The following GRM8 variants were observed in gnomAD, a reference collection of about 807,000 sequenced individuals.
The protein encoded by GRM8 is metabotropic glutamate receptor 8.
In GRM8, 47 loss-of-function variants were observed where a neutral mutation model predicts 87.2. That is an observed-to-expected ratio of 0.54 (90% confidence interval 0.43 to 0.69). The LOEUF (loss-of-function observed/expected upper bound fraction) is 0.69. Ranked by LOEUF, GRM8 falls within the 30% of genes least tolerant of loss-of-function variation. GRM8 has a pLI of 0.00. For synonymous variants in GRM8, 396 were observed against 404.5 expected, an observed-to-expected ratio of 0.98 and a Z score of 0.25; for missense variants, 1,019 against 1,139.2, an observed-to-expected ratio of 0.89 and a Z score of 1.52.
At chr7:127,203,173 C>T (rs1795706112) in intron 2 of GRM8, among the ~76,000 whole-genome samples, 1 of 152,158 alleles carries the variant, frequency 6.6e-6, no homozygotes, top group Admixed American at 6.5e-5. Flanking sequence ...TACATGTTTA[C>T]ATTTTCATAT....
chr7:126,788,532 C>T (rs1307710599), intron 6 of GRM8, among the ~76,000 whole-genome samples: 4 of 150,764 alleles, frequency 2.7e-5, no homozygotes, highest in Non-Finnish European at 4.4e-5. Flanking sequence ...TTCTTTTTTT[C>T]AGAGTCACTC....
chr7:127,131,752 A>T (rs1827702005), intron 2 of GRM8, among the ~76,000 whole-genome samples: 3 of 151,982 alleles, frequency 2.0e-5, no homozygotes, highest in Admixed American at 6.6e-5. Context: ...GAACCCATCT[A>T]CCATAATTTT....
At chr7:127,246,127 C>A (rs1403599271) in intron 1 of GRM8, among the ~76,000 whole-genome samples, 1 of 152,104 alleles carries the variant, frequency 6.6e-6, no homozygotes, top group African/African-American at 2.4e-5. Context: ...GACTCCACTG[C>A]CAGAAGGTTT....
rs375336734 is a variant in GRM8, at chr7:127,242,941, C to T, written c.264G>A (p.Lys88=). The change falls in exon 2 of 11, where the codon AAG becomes AAA. Residue 88 remains lysine (K), a synonymous_variant. Transcript: ENST00000339582. ...TGATGTTGGAAAGGAGATCAGGGTCCTTGTTAATCTGGTCAATTGCATAAA... is the reference window on the plus strand; with the variant it reads ...TGATGTTGGAAAGGAGATCAGGGTCTTTGTTAATCTGGTCAATTGCATAAA... ...AMLYAIDQIN[K]DPDLLSNITL... 1.9e-6 allele frequency: 3 copies of T among 1,614,142 alleles called. No individual in the cohort carries two copies. The highest frequency in any genetic ancestry group is 2.5e-6 in the Non-Finnish European group (3 of 1,180,002).
intron 3 of GRM8, among the ~76,000 whole-genome samples, chr7:127,089,474 T>C (rs1430872573): frequency 6.6e-6 from 1 of 152,210 alleles, no homozygotes; most frequent in African/African-American, 2.4e-5. Context: ...GCTGGCAGTA[T>C]GCAAGCCTAC....
intron 3 of GRM8, among the ~76,000 whole-genome samples, chr7:127,016,577 A>G (rs183793940): frequency 9.2e-5 from 14 of 152,204 alleles, no homozygotes; most frequent in African/African-American, 3.4e-4. Context: ...ACAGAGATAA[A>G]TTTCAGTTTG....
chr7:126,890,928 C>A (rs1800940902), intron 6 of GRM8, among the ~76,000 whole-genome samples: 1 of 152,048 alleles, frequency 6.6e-6, no homozygotes, highest in African/African-American at 2.4e-5. Flanking sequence ...CATTAATATA[C>A]TAGTGAGGCC....
chr7:127,210,537 T>C (rs1223005669), intron 2 of GRM8, among the ~76,000 whole-genome samples: 1 of 152,200 alleles, frequency 6.6e-6, no homozygotes, highest in African/African-American at 2.4e-5. Flanking sequence ...TCTAATAATT[T>C]AGGTGTTAGG....
intron 8 of GRM8, among the ~76,000 whole-genome samples, chr7:126,537,366 A>G (rs1815915153): frequency 6.6e-6 from 1 of 152,224 alleles, no homozygotes; most frequent in Non-Finnish European, 1.5e-5. Flanking sequence ...CTGAAAACCA[A>G]CTAGTATCCA....
In GRM8 at chr7:126,533,438, G is replaced by A. The variant is rs1393834957; in HGVS notation, c.1944C>T (p.Cys648=). 8 of 1,613,846 alleles carry A rather than the reference G, an allele frequency of 5.0e-6. No individual in the cohort carries two copies. Among genetic ancestry groups the A allele is most frequent in the Non-Finnish European group, 6.8e-6 (8 of 1,179,916 alleles). ...GTCCTAGGAAGACCCGTCGGAAGGA[G>A]CATATGATTGTATCTGGTGCTGCAA... The part of the protein sequence containing the change: ...LMIAAPDTII[C]SFRRVFLGLG... Residue 648 remains cysteine, a synonymous_variant, in exon 9 of 11, where the codon TGC becomes TGT. Transcript: ENST00000339582.
intron 3 of GRM8, among the ~76,000 whole-genome samples, chr7:127,076,656 C>T (rs577559254): frequency 3.3e-4 from 50 of 152,254 alleles, no homozygotes; most frequent in African/African-American, 1.2e-3. Flanking sequence ...TGGTAGGGAC[C>T]GCCCAGGAAT....
intron 3 of GRM8, among the ~76,000 whole-genome samples, chr7:126,925,761 T>C (rs1283389092): frequency 6.6e-6 from 1 of 152,218 alleles, no homozygotes; most frequent in African/African-American, 2.4e-5. Flanking sequence ...TCATTCCTTG[T>C]ATAGTCCTCA....
chr7:126,557,652 G>T (rs1454837916), intron 8 of GRM8, among the ~76,000 whole-genome samples: 1 of 152,092 alleles, frequency 6.6e-6, no homozygotes. Flanking sequence ...CTCTAAAAAA[G>T]TTTTAATGTT....
chr7:127,230,817 AG>A (rs776072496), intron 2 of GRM8, among the ~76,000 whole-genome samples: 1 of 152,046 alleles, frequency 6.6e-6, no homozygotes, highest in Non-Finnish European at 1.5e-5. Flanking sequence ...CAGAAATGTG[AG>A]GGGAAAAAAA....
chr7:126,580,408 T>C (rs1284949776), intron 8 of GRM8, among the ~76,000 whole-genome samples: 1 of 152,098 alleles, frequency 6.6e-6, no homozygotes, highest in Non-Finnish European at 1.5e-5. Context: ...TCCAGAATAG[T>C]CTAGATCCAT....
At chr7:126,704,351 A>T (rs1337170957) in intron 7 of GRM8, among the ~76,000 whole-genome samples, 1 of 152,072 alleles carries the variant, frequency 6.6e-6, no homozygotes, top group Non-Finnish European at 1.5e-5. Context: ...CATCATTTTC[A>T]TAAATTGAGG....
intron 7 of GRM8, among the ~76,000 whole-genome samples, chr7:126,618,741 G>A (rs1406200678): frequency 6.6e-6 from 1 of 152,128 alleles, no homozygotes; most frequent in Admixed American, 6.5e-5. Flanking sequence ...CTCAAAAGAA[G>A]ACATTTATGC....
intron 6 of GRM8, among the ~76,000 whole-genome samples, chr7:126,786,539 C>T (rs980359429): frequency 2.0e-5 from 3 of 152,136 alleles, no homozygotes; most frequent in African/African-American, 7.2e-5. Context: ...TGAGTGTCCT[C>T]TATCCCAACC....
chr7:126,762,237 T>A (rs926035564), intron 7 of GRM8, among the ~76,000 whole-genome samples: 4 of 151,970 alleles, frequency 2.6e-5, no homozygotes, highest in African/African-American at 4.8e-5. Flanking sequence ...CTGATAGGCA[T>A]CTATTTTTTT....
Sources: gnomAD v4.1 joint callset for allele counts (sites outside exome capture counted in the v4.1 genomes callset) on GRCh38, gnomAD v4.1.1 for gene constraint, MANE v1.5 for transcripts, NCBI Gene and HGNC (gene_info 2026-07-23, HGNC 2026-07-21) for gene names.